KIF21B: variants seen among roughly 807,000 people sequenced by gnomAD.
KIF21B encodes kinesin-like protein KIF21B.
KIF21B carries 85 observed loss-of-function variants against 192.9 expected under a neutral mutation model. That is an observed-to-expected ratio of 0.44 (90% CI 0.37 to 0.53). The LOEUF is 0.53. Ranked by LOEUF, KIF21B falls within the 20% of genes least tolerant of loss-of-function variation. The pLI is 0.00. For missense variants in KIF21B, 1,716 were observed against 2,194.8 expected (o/e 0.78, Z 4.36); for synonymous variants, 832 against 884.6 (o/e 0.94, Z 1.05).
chr1:200,999,782 G>T lies in KIF21B; in HGVS notation c.1767+101C>A. On this transcript the variant is annotated intron_variant, in intron 12 of 34. Transcript: ENST00000461742. This position sits in a 1 kb window ranked among gnomAD's most constrained non-coding sequence, Gnocchi z 4.7. The stretch of plus-strand genomic sequence containing the variant: ...GGATCAACTGGATGCAGACCCAACC[G>T]CCTCCTTCACTCCATACAAGGATGC... The T allele has an allele frequency of 3.4e-6, 4 of 1,180,258 alleles. No individual in the cohort carries two copies. Among genetic ancestry groups the T allele is most frequent in the Non-Finnish European group, 1.3e-6 (1 of 796,988 alleles). The allele number at this position is 1,180,258 out of a possible 1,614,324, so 73.1% of individuals were successfully genotyped here.
chr1:201,002,001 A>C, intron 9 of KIF21B, 160 bp downstream of exon 9: 1 of 623,178 alleles, frequency 1.6e-6, no homozygotes, highest in Non-Finnish European at 2.8e-6. Flanking sequence ...TACTTGTGCC[A>C]TACAAAAATG....
chr1:201,010,670 C>G (rs930512124), intron 1 of KIF21B, among the ~76,000 whole-genome samples: 2 of 152,150 alleles, frequency 1.3e-5, no homozygotes, highest in Admixed American at 1.3e-4. Flanking sequence ...TAAGCCAACA[C>G]TCACCAAGAG....
At chr1:201,022,264 A>T (rs981137387) in intron 1 of KIF21B, among the ~76,000 whole-genome samples, 1 of 152,148 alleles carries the variant, frequency 6.6e-6, no homozygotes, top group Non-Finnish European at 1.5e-5. Context: ...TGGGTCACAT[A>T]TGACCCAAGG....
In KIF21B at chr1:200,996,307, C is replaced by T. The variant is rs1323881759; in HGVS notation, c.2166G>A (p.Gln722=). 6 of 1,614,086 alleles carry T rather than the reference C, an allele frequency of 3.7e-6. No homozygotes were observed. Among genetic ancestry groups the T allele is most frequent in the Non-Finnish European group, 5.1e-6 (6 of 1,180,046 alleles). The change falls in exon 15 of 35, where the codon CAG becomes CAA. Residue 722 remains glutamine (Q), a synonymous_variant. Coordinates refer to ENST00000461742, the MANE Select transcript of KIF21B (RefSeq NM_001252102.2). ...KRLREMNRDL[Q]KLQAAQKEHA... ...GCTCTTTCTGGGCGGCCTGCAGCTT[C>T]TGCAGGTCCCGGTTCATCTCCCGCA... is the stretch of plus-strand genomic sequence containing the variant.
chr1:201,007,717 CAT>C (rs982491915), intron 3 of KIF21B, among the ~76,000 whole-genome samples: 16 of 151,210 alleles, frequency 1.1e-4, no homozygotes, highest in South Asian at 4.2e-4. Context: ...CACACAGACA[CAT>C]AGACACACAT....
chr1:201,000,399 C>T lies in KIF21B; in HGVS notation c.1676G>A (p.Arg559Gln), dbSNP rs748876558. 2.6e-6 allele frequency: 4 copies of T among 1,554,348 alleles called. No individual in the cohort carries two copies. The highest frequency in any genetic ancestry group is 3.5e-6 in the Non-Finnish European group (4 of 1,157,626). ...ACGACACTCCACTCACCTCTTCCTC[C>T]GCTGCCTGACCTCCTTCTTCTTTAG... ...ERLKKKEVRQ[R>Q]RKSPEKEAFK... Residue 559 changes from arginine to glutamine, a missense_variant, in exon 11 of 35, where the codon CGG (arginine) becomes CAG (glutamine). Physicochemically the swap from Arg to Gln is conservative, Grantham distance 43 (BLOSUM62 1). Coordinates refer to ENST00000461742, the MANE Select transcript of KIF21B (RefSeq NM_001252102.2). This position sits in a 1 kb window ranked among gnomAD's most constrained non-coding sequence, Gnocchi z 6.0.
rs1469476847 is a variant in KIF21B at position 201,004,805 on chromosome 1, G to A, written c.861C>T (p.Gly287=). The change falls in exon 6 of 35, where the codon GGC becomes GGT. Residue 287 remains glycine (G), a synonymous_variant. Coordinates refer to ENST00000461742, the MANE Select transcript of KIF21B (RefSeq NM_001252102.2). ...TGGAGATGCCCTCCTTGGCCCGCTCGCCAGTAGCCCCTGTCCGCTTCAGCC... is the reference window on the plus strand; with the variant it reads ...TGGAGATGCCCTCCTTGGCCCGCTCACCAGTAGCCCCTGTCCGCTTCAGCC... ...SERLKRTGAT[G]ERAKEGISIN... is the part of the protein sequence containing the mutation. 5 of 1,613,924 alleles carry A rather than the reference G, an allele frequency of 3.1e-6. No individual in the cohort carries two copies. Among genetic ancestry groups the A allele is most frequent in the Admixed American group, 1.7e-5 (1 of 59,996 alleles).
At chr1:200,996,856 A>G (rs1466612998) in intron 14 of KIF21B, among the ~76,000 whole-genome samples, 2 of 151,966 alleles carry the variant, frequency 1.3e-5, no homozygotes, top group African/African-American at 4.8e-5. Context: ...GACATCTCCA[A>G]CTTAACAGGT....
chr1:200,976,945 G>A, intron 31 of KIF21B, 52 bp from the exon 32 acceptor site: 1 of 1,393,908 alleles, frequency 7.2e-7, no homozygotes, highest in Non-Finnish European at 1.0e-6. Flanking sequence ...GGGGACCCTG[G>A]GTTGGGGTGG....
intron 15 of KIF21B, among the ~76,000 whole-genome samples, chr1:200,994,981 C>T (rs67134955): frequency 0.036 from 5,467 of 152,322 alleles, 142 homozygotes; most frequent in Non-Finnish European, 0.055. Flanking sequence ...GGGGCCAGCC[C>T]AGGCCAAGCA....
intron 1 of KIF21B, among the ~76,000 whole-genome samples, chr1:201,014,458 AG>A (rs1367006120): frequency 1.3e-5 from 2 of 152,216 alleles, no homozygotes; most frequent in African/African-American, 2.4e-5. Flanking sequence ...GAGGCAGCCC[AG>A]GGGTATGCTG....
intron 28 of KIF21B, 46 bp from the exon 29 acceptor site, chr1:200,981,142 A>G: frequency 1.3e-6 from 2 of 1,560,128 alleles, no homozygotes; most frequent in Non-Finnish European, 1.7e-6. Flanking sequence ...AGCCAGGGAG[A>G]CTGTGGCCAG....
At position 201,003,765 on chromosome 1, in the gene KIF21B, C is replaced by T. The variant is rs774564420; in HGVS notation, c.1033G>A (p.Ala345Thr). 9 of 1,614,012 alleles carry T rather than the reference C, an allele frequency of 5.6e-6. No individual in the cohort carries two copies. Among genetic ancestry groups the T allele is most frequent in the Non-Finnish European group, 5.9e-6 (7 of 1,180,044 alleles). ...TCTCGGTCTGAGGGGCTCACACAGG[C>T]GATCATGATGGTCTGGCTGGGGGTG... ...LGGNSQTIMI[A>T]CVSPSDRDFM... The change falls in exon 8 of 35, where the codon GCC becomes ACC. Residue 345 changes from alanine (A) to threonine (T), a missense_variant. By Grantham distance (58) the Ala-to-Thr change is moderately conservative. Coordinates refer to ENST00000461742, the MANE Select transcript of KIF21B (RefSeq NM_001252102.2).
intron 1 of KIF21B, among the ~76,000 whole-genome samples, chr1:201,021,294 T>C (rs1278934936): frequency 2.6e-5 from 4 of 152,208 alleles, no homozygotes; most frequent in South Asian, 2.1e-4. Flanking sequence ...CGGCTGCCCA[T>C]TGAGGTCTGG....
Position 200,996,066 on chromosome 1 carries a change from C to T in KIF21B, c.2277+130G>A, listed in dbSNP as rs779453555. ...TGTCAAGGGCCAAGACAGGGTCAAA[C>T]TAGGTTAATGCTGTGTGTTGAGAAG... is the stretch of plus-strand genomic sequence containing the variant. On this transcript the variant is annotated intron_variant, in intron 15 of 34. Coordinates refer to ENST00000461742, the MANE Select transcript of KIF21B (RefSeq NM_001252102.2). The T allele has an allele frequency of 1.9e-4, 180 of 965,962 alleles. 1 individual carries two copies. The highest frequency in any genetic ancestry group is 1.2e-3 in the Admixed American group (63 of 53,418). 59.8% of individuals were successfully genotyped at this position (965,962 alleles called of 1,614,324 possible). A position where few individuals can be genotyped will look rare whatever the true frequency, so the allele number is the denominator to read the frequency against.
chr1:200,991,325 G>A (rs1242583506), intron 17 of KIF21B, among the ~76,000 whole-genome samples, 176 bp from the exon 18 acceptor site: 2 of 152,242 alleles, frequency 1.3e-5, no homozygotes, highest in Non-Finnish European at 2.9e-5. Context: ...ACACAAAAGA[G>A]GCTGCCACCT....
rs1444963863 is a variant in KIF21B, at chr1:200,999,172, T to C, written c.1885+177A>G. The stretch of plus-strand genomic sequence containing the variant: ...GGTAAGCACAGTGCCTGGCACCTAA[T>C]GAACGACCAGGAAGTGTTTGCCATC... On this transcript the variant is annotated intron_variant, in intron 13 of 34. Coordinates refer to ENST00000461742, the MANE Select transcript of KIF21B (RefSeq NM_001252102.2). This position sits in a 1 kb window ranked among gnomAD's most constrained non-coding sequence, Gnocchi z 4.7. Among the ~76,000 whole-genome samples the C allele has an allele frequency of 1.3e-5, 2 of 152,168 alleles. No homozygotes were observed. The highest frequency in any genetic ancestry group is 1.9e-4 in the East Asian group (1 of 5,198).
At chr1:201,018,229 C>T (rs1658614592) in intron 1 of KIF21B, among the ~76,000 whole-genome samples, 1 of 152,204 alleles carries the variant, frequency 6.6e-6, no homozygotes, top group South Asian at 2.1e-4. Context: ...ACTTGGCTGC[C>T]CCCAGAATAT....
In KIF21B at chr1:200,992,314, C is replaced by A. The variant is rs775462491; in HGVS notation, c.2353G>T (p.Ala785Ser). The A allele has an allele frequency of 1.2e-5, 20 of 1,612,626 alleles. No individual in the cohort carries two copies. Among genetic ancestry groups the A allele is most frequent in the African/African-American group, 2.7e-5 (2 of 74,952 alleles). The change falls in exon 16 of 35, where the codon GCA becomes TCA. Residue 785 changes from alanine to serine, a missense_variant. Transcript: ENST00000461742. The part of the protein sequence containing the change: ...LVETKRNREI[A>S]QLKKEQRRQE... ...CGCCGCTGCTCCTTCTTGAGCTGTG[C>A]GATCTCCCGGTTCCTCTTGGTCTCC...
Sources: allele counts gnomAD v4.1 joint callset (sites outside exome capture counted in the v4.1 genomes callset), GRCh38; gene constraint gnomAD v4.1.1; non-coding constraint Gnocchi (gnomAD v3.1); transcripts MANE v1.5; gene names NCBI Gene and HGNC (gene_info 2026-07-23, HGNC 2026-07-21).